Variants in MLLT3 observed in about 807,000 individuals in gnomAD.
MLLT3 encodes the protein MLLT3 super elongation complex subunit, also known as protein AF-9.
MLLT3 carries 4 observed loss-of-function variants against 53.2 expected under a neutral mutation model. The ratio of observed to expected loss-of-function variants is 0.08; its 90% confidence interval spans 0.04 to 0.17. The LOEUF (loss-of-function observed/expected upper bound fraction) is 0.17. Among genes scored for constraint, MLLT3 ranks in the 10% least tolerant of loss-of-function variants. The pLI is 1.00. For synonymous variants in MLLT3, 283 were observed against 230.6 expected, an observed-to-expected ratio of 1.23 and a Z score of -2.06; for missense variants, 569 against 684.0, an observed-to-expected ratio of 0.83 and a Z score of 1.87.
At chr9:20,520,530 AAAATAGGAAGGCATAT>A (rs1299545738) in intron 2 of MLLT3, among the ~76,000 whole-genome samples, 1 of 152,228 alleles carries the variant, frequency 6.6e-6, no homozygotes, top group Non-Finnish European at 1.5e-5. Flanking sequence ...AAAGTCCAGC[AAAATAGGAAGGCATAT>A]AAATAAAAAA....
chr9:20,396,631 C>A (rs979222216), intron 5 of MLLT3, among the ~76,000 whole-genome samples: 3 of 152,058 alleles, frequency 2.0e-5, no homozygotes, highest in African/African-American at 7.2e-5. Context: ...CAGATTCCTG[C>A]ACCACCTGGC....
Position 20,620,417 on chromosome 9 carries a change from A to G in MLLT3, c.193+237T>C, listed in dbSNP as rs1005318514. Among the ~76,000 whole-genome samples the G allele has an allele frequency of 4.6e-5, 7 of 151,692 alleles. No individual in the cohort carries two copies. The highest frequency in any genetic ancestry group is 8.8e-5 in the Non-Finnish European group (6 of 67,896). On this transcript the variant is annotated intron_variant, in intron 2 of 10. Coordinates refer to ENST00000380338, the MANE Select transcript of MLLT3 (RefSeq NM_004529.4). This position sits in a 1 kb window ranked among gnomAD's most constrained non-coding sequence, Gnocchi z 6.1. ...ACTGGTGAGGGCTGGCTTGGGATGAATAAACACTCGACACCTGACGGTCCT... is the reference window on the plus strand; with the variant it reads ...ACTGGTGAGGGCTGGCTTGGGATGAGTAAACACTCGACACCTGACGGTCCT...
At chr9:20,371,076 A>C (rs1019931387) in intron 5 of MLLT3, among the ~76,000 whole-genome samples, 6 of 152,244 alleles carry the variant, frequency 3.9e-5, no homozygotes, top group Non-Finnish European at 7.3e-5. Flanking sequence ...TCCTTAAACC[A>C]AAGCCTAATC....
intron 2 of MLLT3, among the ~76,000 whole-genome samples, chr9:20,478,845 G>C (rs942422406): frequency 1.9e-4 from 29 of 152,072 alleles, no homozygotes; most frequent in Non-Finnish European, 1.9e-4. Context: ...AGAAGGAGAG[G>C]AAGGGGAGAA....
intron 4 of MLLT3, among the ~76,000 whole-genome samples, chr9:20,428,124 T>A (rs1823181763): frequency 6.6e-6 from 1 of 151,886 alleles, no homozygotes; most frequent in African/African-American, 2.4e-5. Context: ...TTGCTAAACA[T>A]CAGAAAAACC....
At chr9:20,366,202 C>T (rs1288701333) in intron 5 of MLLT3, among the ~76,000 whole-genome samples, 1 of 152,162 alleles carries the variant, frequency 6.6e-6, no homozygotes, top group Non-Finnish European at 1.5e-5. Flanking sequence ...CTCCCCTAGC[C>T]CCTGACCCCT....
chr9:20,565,954 T>A (rs28733535), intron 2 of MLLT3, among the ~76,000 whole-genome samples: 666 of 34,384 alleles, frequency 0.019, 3 homozygotes, highest in South Asian at 0.075. Flanking sequence ...ATATATATAT[T>A]TATATATATA....
rs150409794 is a variant in MLLT3 at position 20,583,245 on chromosome 9, G to T, written c.193+37409C>A. Among the ~76,000 whole-genome samples the T allele has an allele frequency of 3.5e-3, 534 of 152,272 alleles. 4 individuals carry two copies. Among genetic ancestry groups the T allele is most frequent in the African/African-American group, 0.012 (487 of 41,550 alleles). ...CACATAGAGATCGTGCTGATACCAA[G>T]AGGTGGGTTCGTGGTCTTGGACAAC... On this transcript the variant is annotated intron_variant, in intron 2 of 10. Transcript: ENST00000380338.
intron 2 of MLLT3, among the ~76,000 whole-genome samples, chr9:20,543,320 T>C (rs1439793742): frequency 6.6e-6 from 1 of 152,212 alleles, no homozygotes; most frequent in Non-Finnish European, 1.5e-5. Context: ...TCACAGCACT[T>C]AATCATTTCT....
At chr9:20,601,750 G>C (rs1044849091) in intron 2 of MLLT3, among the ~76,000 whole-genome samples, 1 of 152,066 alleles carries the variant, frequency 6.6e-6, no homozygotes, top group Non-Finnish European at 1.5e-5. Context: ...GAAGCAATTT[G>C]CATTTACAGC....
In MLLT3 at chr9:20,503,814, C is replaced by T. The variant is rs536785749; in HGVS notation, c.194-47028G>A. ...TGCAAACCATGCATCTGATAAAAGA[C>T]TAATATCCAAAATATATGAGGAACT... On this transcript the variant is annotated intron_variant, in intron 2 of 10. Coordinates refer to ENST00000380338, the MANE Select transcript of MLLT3 (RefSeq NM_004529.4). 1.6e-3 allele frequency among the ~76,000 whole-genome samples: 246 copies of T among 152,164 alleles called. 2 individuals are homozygous for T. Among genetic ancestry groups the T allele is most frequent in the Admixed American group, 2.6e-3 (40 of 15,290 alleles).
intron 2 of MLLT3, among the ~76,000 whole-genome samples, chr9:20,618,237 A>G (rs1045558302): frequency 1.3e-5 from 2 of 152,264 alleles, no homozygotes; most frequent in Non-Finnish European, 2.9e-5. Flanking sequence ...TTATAGATCT[A>G]CAATATAGCT....
intron 5 of MLLT3, among the ~76,000 whole-genome samples, chr9:20,401,831 G>A (rs1395369204): frequency 6.6e-6 from 1 of 152,138 alleles, no homozygotes; most frequent in African/African-American, 2.4e-5. Flanking sequence ...TCTGTTAGAA[G>A]AATAAGAGGA....
intron 2 of MLLT3, among the ~76,000 whole-genome samples, chr9:20,570,478 TCA>T (rs146916727): frequency 1.2e-3 from 184 of 152,350 alleles, no homozygotes; most frequent in African/African-American, 4.1e-3. Flanking sequence ...CCTACATGTA[TCA>T]CAGTTTTAAC....
At chr9:20,396,556 G>C (rs1471793125) in intron 5 of MLLT3, among the ~76,000 whole-genome samples, 1 of 152,078 alleles carries the variant, frequency 6.6e-6, no homozygotes, top group African/African-American at 2.4e-5. Context: ...ATAAAACACA[G>C]TTTGTGTTCC....
At chr9:20,583,194 A>C (rs1262923244) in intron 2 of MLLT3, among the ~76,000 whole-genome samples, 45 of 152,100 alleles carry the variant, frequency 3.0e-4, no homozygotes, top group Admixed American at 2.9e-3. Context: ...TAAAGCTCCA[A>C]AATGATCTCC....
intron 2 of MLLT3, among the ~76,000 whole-genome samples, chr9:20,488,212 A>G (rs1302379095): frequency 2.6e-5 from 4 of 152,054 alleles, no homozygotes; most frequent in Non-Finnish European, 5.9e-5. Flanking sequence ...AGGAGGGGGG[A>G]ATAGGGAATT....
chr9:20,386,230 A>C (rs1337844216), intron 5 of MLLT3, among the ~76,000 whole-genome samples: 1 of 152,208 alleles, frequency 6.6e-6, no homozygotes, highest in Non-Finnish European at 1.5e-5. Context: ...TGGTGTTACC[A>C]GTCAGTTTAT....
At chr9:20,585,012 T>C (rs1014372798) in intron 2 of MLLT3, among the ~76,000 whole-genome samples, 2 of 152,190 alleles carry the variant, frequency 1.3e-5, no homozygotes, top group Non-Finnish European at 2.9e-5. Context: ...TTCAACTCAT[T>C]TGAGTAAATA....
Sources: gnomAD v4.1 joint callset for allele counts (sites outside exome capture counted in the v4.1 genomes callset) on GRCh38, gnomAD v4.1.1 for gene constraint, Gnocchi (gnomAD v3.1) non-coding constraint, MANE v1.5 for transcripts, NCBI Gene and HGNC (gene_info 2026-07-23, HGNC 2026-07-21) for gene names.